Variants in AKAP13 observed in about 807,000 individuals in gnomAD.
AKAP13 encodes the protein A-kinase anchoring protein 13.
In AKAP13, 80 loss-of-function variants were observed where a neutral mutation model predicts 264.5. That is an observed-to-expected ratio of 0.30 (90% CI 0.25 to 0.36). AKAP13 has a LOEUF of 0.36. Among genes scored for constraint, AKAP13 ranks in the 10% least tolerant of loss-of-function variants. The pLI, the probability that AKAP13 is intolerant of heterozygous loss-of-function variation, is 1.00. For missense variants in AKAP13, 3,712 were observed against 3,435.2 expected (o/e 1.08, Z -2.01); for synonymous variants, 1,380 against 1,250.2 (o/e 1.10, Z -2.19).
chr15:85,713,511 C>A (rs566393103), intron 19 of AKAP13, among the ~76,000 whole-genome samples: 2 of 147,954 alleles, frequency 1.4e-5, no homozygotes, highest in Admixed American at 6.9e-5. Flanking sequence ...ATGCTCCAGG[C>A]CCTTTAACTC....
chr15:85,398,088 C>G (rs2071207897), intron 1 of AKAP13, among the ~76,000 whole-genome samples: 13 of 152,140 alleles, frequency 8.5e-5, no homozygotes, highest in Admixed American at 7.2e-4. Flanking sequence ...ATGGATCTTA[C>G]TCTAGAACTT....
At position 85,727,446 on chromosome 15, in the gene AKAP13, G is replaced by A; in HGVS notation, c.7070G>A (p.Arg2357Lys). 2 of 1,614,182 alleles carry A rather than the reference G, an allele frequency of 1.2e-6. No individual in the cohort carries two copies. Among genetic ancestry groups the A allele is most frequent in the East Asian group, 2.2e-5 (1 of 44,882 alleles). The change falls in exon 29 of 37, where the codon AGA becomes AAA. Residue 2357 changes from arginine to lysine, a missense_variant. By Grantham distance (26) the Arg-to-Lys change is conservative (BLOSUM62 2). Coordinates refer to ENST00000394518, the MANE Select transcript of AKAP13 (RefSeq NM_007200.5). The surrounding 1 kb of genome is among the most constrained non-coding windows in gnomAD (Gnocchi z 5.3). ...NEEEKKMLDT[R>K]ARELKEQLHQ... is the part of the protein sequence containing the mutation. ...GAAGAAAAGAAAATGTTGGACACCA[G>A]AGCCCGAGAATTAAAAGGTGAGGCA...
intron 33 of AKAP13, among the ~76,000 whole-genome samples, chr15:85,737,391 T>A (rs986130916): frequency 6.6e-6 from 1 of 152,224 alleles, no homozygotes; most frequent in African/African-American, 2.4e-5. Flanking sequence ...TATCTGACTT[T>A]GTAAGCAGAA....
At chr15:85,512,599 G>A (rs79485733) in intron 2 of AKAP13, among the ~76,000 whole-genome samples, 2,518 of 152,116 alleles carry the variant, frequency 0.017, 77 homozygotes, top group African/African-American at 0.058. Context: ...TTGAATTCCC[G>A]CTTGACCCCT....
At chr15:85,457,663 C>T (rs150915086) in intron 1 of AKAP13, among the ~76,000 whole-genome samples, 1 of 152,308 alleles carries the variant, frequency 6.6e-6, no homozygotes, top group African/African-American at 2.4e-5. Flanking sequence ...GGCTCTTTTG[C>T]TTACTATGTC....
chr15:85,730,697 A>C lies in AKAP13; in HGVS notation c.7272A>C (p.Ala2424=). The C allele has an allele frequency of 6.2e-7, 1 of 1,613,330 alleles. No individual in the cohort carries two copies. The highest frequency in any genetic ancestry group is 8.5e-7 in the Non-Finnish European group (1 of 1,179,412). The change falls in exon 30 of 37, where the codon GCA becomes GCC. Residue 2424 remains alanine, a synonymous_variant. Transcript: ENST00000394518. ...ALKGGPLMKS[A]INEVEILQGL... ...AAGGAGGACCTTTAATGAAAAGTGC[A>C]ATAAATGAGGGTAATTAACATTCAG...
At chr15:85,601,795 A>G (rs2080090714) in intron 8 of AKAP13, among the ~76,000 whole-genome samples, 1 of 152,090 alleles carries the variant, frequency 6.6e-6, no homozygotes, top group Admixed American at 6.5e-5. Context: ...ACTGTATTAG[A>G]AGTTAAAACT....
intron 27 of AKAP13, 83 bp downstream of exon 27, chr15:85,726,569 C>T (rs2087626698): frequency 1.7e-6 from 2 of 1,169,930 alleles, no homozygotes; most frequent in Non-Finnish European, 2.5e-6. Flanking sequence ...ATTGCTCTCC[C>T]CCGCCCTCTT....
At chr15:85,389,302 A>C (rs551564251) in intron 1 of AKAP13, among the ~76,000 whole-genome samples, 112 of 152,150 alleles carry the variant, frequency 7.4e-4, no homozygotes, top group Non-Finnish European at 1.5e-3. Flanking sequence ...AAACTTGACA[A>C]GGCTGTCATG....
At chr15:85,591,188 C>G (rs959683477) in intron 8 of AKAP13, among the ~76,000 whole-genome samples, 4 of 150,758 alleles carry the variant, frequency 2.7e-5, no homozygotes, top group Non-Finnish European at 5.9e-5. Flanking sequence ...AGCTAGTTAA[C>G]TGTCAGCTGG....
intron 14 of AKAP13, 39 bp downstream of exon 14, chr15:85,669,869 A>G: frequency 7.1e-7 from 1 of 1,417,530 alleles, no homozygotes. Context: ...AATATATTAA[A>G]TCTTAACCAC....
At position 85,581,894 on chromosome 15, in the gene AKAP13, T is replaced by C; in HGVS notation, c.3826T>C (p.Cys1276Arg). ...AGCACTGCTTACTGAGGGGGAGGCCTGTCACATGTCACTGTCCAGCCCTGA... is the reference window on the plus strand; with the variant it reads ...AGCACTGCTTACTGAGGGGGAGGCCCGTCACATGTCACTGTCCAGCCCTGA... ...AGALLTEGEA[C>R]HMSLSSPELG... The change falls in exon 7 of 37, where the codon TGT (cysteine) becomes CGT (arginine). Residue 1276 changes from cysteine to arginine, a missense_variant. Cys to Arg is a radical substitution (Grantham distance 180). This residue lies in a region of AKAP13 where 2,759 missense variants were observed against 2,411.7 expected (regional missense o/e 1.14). Transcript: ENST00000394518. The C allele has an allele frequency of 6.2e-7, 1 of 1,614,166 alleles. No homozygotes were observed. Among genetic ancestry groups the C allele is most frequent in the Non-Finnish European group, 8.5e-7 (1 of 1,180,008 alleles).
Position 85,446,513 on chromosome 15 carries a change from G to T in AKAP13, c.-11-39197G>T, listed in dbSNP as rs182135773. Among the ~76,000 whole-genome samples the T allele has an allele frequency of 3.9e-5, 6 of 152,262 alleles. No individual in the cohort carries two copies. In the East Asian group the frequency reaches 1.2e-3, roughly 29 times the overall value. On this transcript the variant is annotated intron_variant, in intron 1 of 36. Coordinates refer to ENST00000394518, the MANE Select transcript of AKAP13 (RefSeq NM_007200.5). The stretch of plus-strand genomic sequence containing the variant: ...TGTCTAGCAGGCACTTGGCAATTAG[G>T]TTATGGAGCTTAGAAAAGACTTTAG...
At chr15:85,738,264 C>T (rs1003434064) in intron 33 of AKAP13, among the ~76,000 whole-genome samples, 6 of 151,380 alleles carry the variant, frequency 4.0e-5, no homozygotes, top group African/African-American at 7.3e-5. Context: ...TGGTGGTGGA[C>T]GCCTGTAATC....
chr15:85,461,937 T>C (rs907048810), intron 1 of AKAP13, among the ~76,000 whole-genome samples: 11 of 152,230 alleles, frequency 7.2e-5, no homozygotes, highest in Admixed American at 6.5e-5. Flanking sequence ...GAAATAAAAT[T>C]ACTGATTTCG....
intron 4 of AKAP13, among the ~76,000 whole-genome samples, chr15:85,538,206 A>G (rs1451023526): frequency 6.6e-6 from 1 of 152,196 alleles, no homozygotes; most frequent in African/African-American, 2.4e-5. Context: ...GACTTGCTCT[A>G]GAGGAAGCAG....
intron 8 of AKAP13, among the ~76,000 whole-genome samples, chr15:85,593,659 T>C (rs1812837715): frequency 6.6e-6 from 1 of 152,212 alleles, no homozygotes; most frequent in Admixed American, 6.5e-5. Context: ...TCTGCTTTTT[T>C]CTTTCATAGA....
chr15:85,393,118 G>A (rs2070945991), intron 1 of AKAP13, among the ~76,000 whole-genome samples: 1 of 152,178 alleles, frequency 6.6e-6, no homozygotes, highest in African/African-American at 2.4e-5. Context: ...TCTGGAGTGG[G>A]AGAAGGGAGG....
chr15:85,644,550 A>G (rs1176350327), intron 9 of AKAP13, among the ~76,000 whole-genome samples: 2 of 149,458 alleles, frequency 1.3e-5, no homozygotes, highest in Admixed American at 6.6e-5. Flanking sequence ...CATGACTTTT[A>G]TCCTTAAAAC....
Sources: gnomAD v4.1 joint callset for allele counts (sites outside exome capture counted in the v4.1 genomes callset) on GRCh38, gnomAD v4.1.1 for gene constraint, gnomAD v4.1.1 regional missense constraint, Gnocchi (gnomAD v3.1) non-coding constraint, MANE v1.5 for transcripts, NCBI Gene and HGNC (gene_info 2026-07-23, HGNC 2026-07-21) for gene names.